The following ZNF804A variants were observed in gnomAD, a reference collection of about 807,000 sequenced individuals.
ZNF804A encodes the protein zinc finger protein 804A.
A neutral mutation model predicts 16.5 loss-of-function variants in ZNF804A; 2 were observed. The ratio of observed to expected loss-of-function variants is 0.12; its 90% CI spans 0.05 to 0.38. ZNF804A has a LOEUF of 0.38. Among genes scored for constraint, ZNF804A ranks in the 10% least tolerant of loss-of-function variants. The probability of loss-of-function intolerance (pLI) is 0.99; values close to 1 mark genes in which losing one functional copy is unlikely to be tolerated. For synonymous variants in ZNF804A, 534 were observed against 489.6 expected (o/e 1.09, Z -1.20); for missense variants, 1,473 against 1,390.7 (o/e 1.06, Z -0.94).
chr2:184,717,353 T>C (rs1693231021), intron 1 of ZNF804A, among the ~76,000 whole-genome samples: 1 of 152,192 alleles, frequency 6.6e-6, no homozygotes, highest in African/African-American at 2.4e-5. Flanking sequence ...ATCTATTTGC[T>C]GTTGTTTTGT....
chr2:184,704,008 C>G (rs375792971), intron 1 of ZNF804A, among the ~76,000 whole-genome samples: 30 of 151,982 alleles, frequency 2.0e-4, no homozygotes, highest in Non-Finnish European at 1.2e-4. Flanking sequence ...GCGAAAAGTT[C>G]TCTAAGGACC....
At chr2:184,835,280 G>A (rs1045089992) in intron 1 of ZNF804A, among the ~76,000 whole-genome samples, 1 of 152,152 alleles carries the variant, frequency 6.6e-6, no homozygotes, top group African/African-American at 2.4e-5. Flanking sequence ...GCAGACCAGG[G>A]CTATCCCATT....
At chr2:184,918,937 G>GT (rs2105835710) in intron 2 of ZNF804A, among the ~76,000 whole-genome samples, 1 of 152,082 alleles carries the variant, frequency 6.6e-6, no homozygotes, top group Admixed American at 6.6e-5. Flanking sequence ...CCATTCTTTG[G>GT]TTTTTTGAAG....
chr2:184,653,415 G>A (rs1057210355), intron 1 of ZNF804A, among the ~76,000 whole-genome samples: 4 of 152,078 alleles, frequency 2.6e-5, no homozygotes, highest in Admixed American at 6.6e-5. Context: ...ATCAGTTCTC[G>A]CCTCCTCAGA....
chr2:184,796,422 G>A (rs1032413652), intron 1 of ZNF804A, among the ~76,000 whole-genome samples: 3 of 151,734 alleles, frequency 2.0e-5, no homozygotes, highest in African/African-American at 2.4e-5. Context: ...TGGTCTGTTC[G>A]GGTTATCCAG....
At chr2:184,705,527 T>C (rs1419117874) in intron 1 of ZNF804A, among the ~76,000 whole-genome samples, 3 of 152,186 alleles carry the variant, frequency 2.0e-5, no homozygotes, top group African/African-American at 7.2e-5. Context: ...TTCTTCAGAG[T>C]ACAACTACAA....
intron 1 of ZNF804A, among the ~76,000 whole-genome samples, chr2:184,793,623 G>A (rs1304403563): frequency 6.6e-6 from 1 of 152,056 alleles, no homozygotes; most frequent in Non-Finnish European, 1.5e-5. Context: ...TTGGTTACAT[G>A]AGTAAGTTCT....
At chr2:184,614,486 G>T (rs1362444761) in intron 1 of ZNF804A, among the ~76,000 whole-genome samples, 1 of 152,156 alleles carries the variant, frequency 6.6e-6, no homozygotes, top group African/African-American at 2.4e-5. Flanking sequence ...ACTATCATCA[G>T]AGTGAACAGG....
chr2:184,803,868 G>T (rs182013686), intron 1 of ZNF804A, among the ~76,000 whole-genome samples: 4,902 of 149,074 alleles, frequency 0.033, 116 homozygotes, highest in African/African-American at 0.072. Context: ...CTTTTTTTTT[G>T]GGGGGGAGGG....
In ZNF804A at chr2:184,752,202, C is replaced by G. The variant is rs992536982; in HGVS notation, c.112-114167C>G. On this transcript the variant is annotated intron_variant, in intron 1 of 3. Coordinates refer to ENST00000302277, the MANE Select transcript of ZNF804A (RefSeq NM_194250.2). The stretch of plus-strand genomic sequence containing the variant: ...CTCATATGTTCATTGCAGCAGTATT[C>G]ACAATAGCGAAGTCATGGAACCAAC... Among the ~76,000 whole-genome samples the G allele has an allele frequency of 4.0e-5, 6 of 151,544 alleles. 1 individual carries two copies. Among genetic ancestry groups the G allele is most frequent in the African/African-American group, 1.4e-4 (6 of 41,446 alleles).
chr2:184,639,068 CTT>C (rs34389839), intron 1 of ZNF804A, among the ~76,000 whole-genome samples: 15 of 107,412 alleles, frequency 1.4e-4, no homozygotes, highest in Non-Finnish European at 1.7e-4. Context: ...AAGCCCCCTC[CTT>C]TTTTTTTTTT....
intron 1 of ZNF804A, among the ~76,000 whole-genome samples, chr2:184,730,335 C>T (rs1693493113): frequency 1.3e-5 from 2 of 152,052 alleles, no homozygotes; most frequent in African/African-American, 4.8e-5. Flanking sequence ...ACAACCCCTA[C>T]CAGAGTAGTA....
intron 1 of ZNF804A, among the ~76,000 whole-genome samples, chr2:184,612,389 G>A (rs1009929349): frequency 6.0e-5 from 9 of 151,168 alleles, no homozygotes; most frequent in Admixed American, 6.6e-5. Context: ...TTTTCTATTT[G>A]TATTACCAAT....
In ZNF804A at chr2:184,938,471, T is replaced by A. The variant is rs147327339; in HGVS notation, c.3075T>A (p.Ala1025=). 4 of 1,613,900 alleles carry A rather than the reference T, an allele frequency of 2.5e-6. No homozygotes were observed. The highest frequency in any genetic ancestry group is 1.3e-5 in the African/African-American group (1 of 74,876). Residue 1025 remains alanine, a synonymous_variant, in exon 4 of 4, where the codon GCT becomes GCA. Transcript: ENST00000302277. ...TTGTAACAGCTGAGCAAATCCTGGC[T>A]CCATTAGCTTTACCAGAGCAAGCAT... ...HTFVTAEQIL[A]PLALPEQALL... is the part of the protein sequence containing the mutation.
chr2:184,756,661 A>T (rs1437599253), intron 1 of ZNF804A, among the ~76,000 whole-genome samples: 1 of 152,012 alleles, frequency 6.6e-6, no homozygotes, highest in Admixed American at 6.6e-5. Context: ...TCCATTTTTA[A>T]GTAATATCCT....
At chr2:184,613,234 GT>G (rs1057276891) in intron 1 of ZNF804A, among the ~76,000 whole-genome samples, 1 of 152,180 alleles carries the variant, frequency 6.6e-6, no homozygotes, top group Non-Finnish European at 1.5e-5. Context: ...ACATGCACAT[GT>G]GGAACAAAAT....
chr2:184,599,244 G>A (rs1184850838), intron 1 of ZNF804A, among the ~76,000 whole-genome samples, 174 bp downstream of exon 1: 2 of 152,082 alleles, frequency 1.3e-5, no homozygotes, highest in Non-Finnish European at 2.9e-5. Context: ...GGGAAGCTGT[G>A]ATCCATGGCT....
At chr2:184,878,428 G>A (rs1684748424) in intron 2 of ZNF804A, among the ~76,000 whole-genome samples, 1 of 152,124 alleles carries the variant, frequency 6.6e-6, no homozygotes, top group South Asian at 2.1e-4. Context: ...AATAATGGAG[G>A]CAGCAATATG....
chr2:184,781,064 G>C (rs1694364821), intron 1 of ZNF804A, among the ~76,000 whole-genome samples: 1 of 151,642 alleles, frequency 6.6e-6, no homozygotes. Context: ...GGAAATGTGT[G>C]ATCTCTCATC....
Sources: gnomAD v4.1 joint callset for allele counts (sites outside exome capture counted in the v4.1 genomes callset) on GRCh38, gnomAD v4.1.1 for gene constraint, MANE v1.5 for transcripts, NCBI Gene and HGNC (gene_info 2026-07-23, HGNC 2026-07-21) for gene names.